TEX9: variants seen among roughly 807,000 people sequenced by gnomAD.
The protein encoded by TEX9 is testis-expressed protein 9.
TEX9 carries 74 observed loss-of-function variants against 59.6 expected under a neutral mutation model. That is an observed-to-expected ratio of 1.24 (90% CI 1.03 to 1.51). The LOEUF (loss-of-function observed/expected upper bound fraction) is 1.51. TEX9 is among the 40% of genes most tolerant of loss of function. TEX9 has a pLI of 0.00. For missense variants in TEX9, 522 were observed against 447.8 expected, an observed-to-expected ratio of 1.17 and a Z score of -1.49; for synonymous variants, 186 against 152.2, an observed-to-expected ratio of 1.22 and a Z score of -1.64.
At chr15:56,293,862 A>T (rs544228269) in intron 1 of TEX9, among the ~76,000 whole-genome samples, 1 of 152,242 alleles carries the variant, frequency 6.6e-6, no homozygotes, top group South Asian at 2.1e-4. Flanking sequence ...TCCCTCCTGG[A>T]CTCTACATGT....
At chr15:56,333,381 G>A (rs2046195331) in intron 1 of TEX9, among the ~76,000 whole-genome samples, 1 of 150,662 alleles carries the variant, frequency 6.6e-6, no homozygotes, top group Admixed American at 6.6e-5. Context: ...CAATCAATGT[G>A]ATACATCATA....
downstream of TEX9, chr15:56,447,204 A>C: frequency 2.3e-5 from 6 of 266,528 alleles, no homozygotes; most frequent in African/African-American, 2.2e-5. Flanking sequence ...ACACTATCTC[A>C]ACTGCTGTAA....
chr15:56,284,330 C>T (rs2044891583), intron 1 of TEX9, among the ~76,000 whole-genome samples: 1 of 151,948 alleles, frequency 6.6e-6, no homozygotes, highest in African/African-American at 2.4e-5. Context: ...AGAAGTAATC[C>T]TAAATATTTT....
chr15:56,365,443 C>T, exon 1 of TEX9: 3 of 1,609,620 alleles, frequency 1.9e-6, no homozygotes, highest in Non-Finnish European at 2.5e-6. Context: ...GCGTCGCAGT[C>T]GCCGAAGATG....
At chr15:56,427,024 A>G (rs2050317011) in intron 10 of TEX9, among the ~76,000 whole-genome samples, 1 of 152,020 alleles carries the variant, frequency 6.6e-6, no homozygotes, top group Non-Finnish European at 1.5e-5. Context: ...GGAAATACGT[A>G]TGCATGTTTT....
At chr15:56,368,244 T>C (rs1210119784) in intron 2 of TEX9, among the ~76,000 whole-genome samples, 1 of 152,182 alleles carries the variant, frequency 6.6e-6, no homozygotes. Flanking sequence ...TATGTTCTTT[T>C]TCCCTCCTTT....
intron 1 of TEX9, among the ~76,000 whole-genome samples, chr15:56,339,839 GAC>G (rs1381594881): frequency 6.6e-6 from 1 of 151,898 alleles, no homozygotes; most frequent in African/African-American, 2.4e-5. Context: ...GACTTGTGAG[GAC>G]ATAGGGAAAA....
intron 12 of TEX9, chr15:56,428,942 T>G (rs2050462119): frequency 3.6e-6 from 2 of 551,240 alleles, no homozygotes; most frequent in Non-Finnish European, 3.2e-6. Flanking sequence ...AAAATTAATT[T>G]GTATCTGATA....
chr15:56,365,607 C>G (rs773592038), exon 2 of TEX9: 3 of 1,614,064 alleles, frequency 1.9e-6, no homozygotes, highest in Middle Eastern at 1.6e-4. Flanking sequence ...ACTCCGTTCC[C>G]GCCACCCGTT....
chr15:56,297,851 C>A (rs1206531589), intron 1 of TEX9, among the ~76,000 whole-genome samples: 1 of 152,240 alleles, frequency 6.6e-6, no homozygotes, highest in Non-Finnish European at 1.5e-5. Flanking sequence ...AATGTCTTAT[C>A]TTCTCCAGCG....
At chr15:56,324,906 G>T (rs2217059) in intron 1 of TEX9, among the ~76,000 whole-genome samples, 4 of 151,960 alleles carry the variant, frequency 2.6e-5, no homozygotes, top group East Asian at 3.8e-4. Context: ...GTGTAAGTGT[G>T]GCAGATTTGG....
intron 1 of TEX9, among the ~76,000 whole-genome samples, chr15:56,357,141 C>T (rs772331747): frequency 6.6e-6 from 1 of 152,008 alleles, no homozygotes; most frequent in African/African-American, 2.4e-5. Flanking sequence ...TTTGTCCTAC[C>T]CAGTTTGAGA....
intron 2 of TEX9, among the ~76,000 whole-genome samples, chr15:56,369,152 A>T (rs552760927): frequency 2.0e-5 from 3 of 152,160 alleles, no homozygotes; most frequent in Admixed American, 6.5e-5. Flanking sequence ...TTTAGTTTGC[A>T]AGCACATAGG....
At chr15:56,353,344 A>T (rs2046621864) in intron 1 of TEX9, among the ~76,000 whole-genome samples, 1 of 152,222 alleles carries the variant, frequency 6.6e-6, no homozygotes, top group South Asian at 2.1e-4. Context: ...ACTATTTGTA[A>T]GTAAAAAATA....
chr15:56,365,735 C>T (rs758005473), intron 2 of TEX9, 65 bp downstream of exon 2: 1 of 1,598,796 alleles, frequency 6.3e-7, no homozygotes, highest in South Asian at 1.1e-5. Context: ...CTTACAAGTA[C>T]TTTTTTCTGG....
intron 2 of TEX9, 57 bp from the exon 3 acceptor site, chr15:56,373,384 T>A: frequency 2.0e-6 from 3 of 1,520,760 alleles, no homozygotes; most frequent in South Asian, 2.4e-5. Context: ...ATTGCTGAAG[T>A]TTATTTTTTA....
intron 9 of TEX9, among the ~76,000 whole-genome samples, chr15:56,398,893 G>A (rs1284716790): frequency 5.3e-5 from 8 of 152,262 alleles, no homozygotes; most frequent in Non-Finnish European, 1.2e-4. Context: ...CAGCACTTTG[G>A]GAGGCCAAGG....
chr15:56,395,728 T>C (rs144600438), intron 9 of TEX9: 29 of 152,328 alleles, frequency 1.9e-4, no homozygotes, highest in African/African-American at 7.0e-4. Context: ...ACTAATGATG[T>C]TGAACATCTT....
In TEX9 at chr15:56,275,867, C is replaced by T. The variant is rs544758512; in HGVS notation, c.-107+31589C>T. The stretch of plus-strand genomic sequence containing the variant: ...GTGTAGTTCTGCTTGCAATAAATTG[C>T]CTTCATTTTTCAAAGAGGTTCTAAC... On this transcript the variant is annotated intron_variant, in intron 1 of 5. Coordinates refer to the TEX9 transcript ENST00000560827. 9.5e-4 allele frequency among the ~76,000 whole-genome samples: 145 copies of T among 151,860 alleles called. No individual in the cohort carries two copies. The Middle Eastern group carries it at 0.01, about 11-fold the overall frequency.
Sources: allele counts gnomAD v4.1 joint callset (sites outside exome capture counted in the v4.1 genomes callset), GRCh38; gene constraint gnomAD v4.1.1; transcripts MANE v1.5; gene names NCBI Gene and HGNC (gene_info 2026-07-23, HGNC 2026-07-21).